Variants in SLC35D4 observed in about 807,000 individuals in gnomAD.
SLC35D4 encodes solute carrier family 35 member D4.
chr18:23,389,205 TCTCGAACTCCTGAC>T, the SLC35D4 span, among the ~76,000 whole-genome samples: 1 of 152,098 alleles, frequency 6.6e-6, no homozygotes, highest in Non-Finnish European at 1.5e-5. Context: ...GCCAGGTTGG[TCTCGAACTCCTGAC>T]CTCAAGTGAT....
At chr18:23,355,320 G>C in the SLC35D4 span, among the ~76,000 whole-genome samples, 1 of 152,144 alleles carries the variant, frequency 6.6e-6, no homozygotes, top group Non-Finnish European at 1.5e-5. Flanking sequence ...GCTGTGAACT[G>C]TGCTGCTCTG....
chr18:23,253,857 T>C, the SLC35D4 span: 7 of 1,614,202 alleles, frequency 4.3e-6, 1 homozygote, highest in South Asian at 6.6e-5. Context: ...AACCGGAAGC[T>C]GTGTGCTGGG....
chr18:23,407,231 A>G, the SLC35D4 span, among the ~76,000 whole-genome samples: 1 of 152,236 alleles, frequency 6.6e-6, no homozygotes, highest in Non-Finnish European at 1.5e-5. Context: ...CCGAGAAGAT[A>G]AGAGAATGAA....
the SLC35D4 span, among the ~76,000 whole-genome samples, chr18:23,385,549 G>T: frequency 6.6e-6 from 1 of 152,208 alleles, no homozygotes; most frequent in Non-Finnish European, 1.5e-5. Flanking sequence ...CCAGGCAGAG[G>T]GGCACACCAA....
the SLC35D4 span, among the ~76,000 whole-genome samples, chr18:23,247,870 C>G: frequency 6.6e-6 from 1 of 152,256 alleles, no homozygotes; most frequent in Non-Finnish European, 1.5e-5. Context: ...GCCACATATT[C>G]CCCACTTACG....
chr18:23,350,106 G>A, the SLC35D4 span, among the ~76,000 whole-genome samples: 2 of 152,154 alleles, frequency 1.3e-5, no homozygotes, highest in Non-Finnish European at 2.9e-5. Context: ...CATAACATAC[G>A]GTAGCAACTC....
At chr18:23,311,099 C>A in the SLC35D4 span, among the ~76,000 whole-genome samples, 2 of 151,096 alleles carry the variant, frequency 1.3e-5, no homozygotes, top group African/African-American at 4.9e-5. Context: ...CCTCTTTTCT[C>A]TTCCCTTTTT....
chr18:23,246,454 A>T, the SLC35D4 span, among the ~76,000 whole-genome samples: 4 of 151,688 alleles, frequency 2.6e-5, no homozygotes, highest in Non-Finnish European at 5.9e-5. Flanking sequence ...TGCAGTGGCA[A>T]GATCTTGGCT....
chr18:23,358,805 G>C, the SLC35D4 span, among the ~76,000 whole-genome samples: 1 of 152,148 alleles, frequency 6.6e-6, no homozygotes, highest in African/African-American at 2.4e-5. Flanking sequence ...GTTTCCAGCT[G>C]GCTCTGTGGT....
At chr18:23,253,157 G>A in the SLC35D4 span, 4 of 726,112 alleles carry the variant, frequency 5.5e-6, no homozygotes, top group Non-Finnish European at 9.9e-6. Flanking sequence ...GGTCCTTCCT[G>A]TGGTTCCAGT....
At chr18:23,437,722 A>G in the SLC35D4 span, 3 of 1,550,670 alleles carry the variant, frequency 1.9e-6, no homozygotes, top group African/African-American at 2.8e-5. Flanking sequence ...TGTCACGGGA[A>G]GATTCTCCGA....
chr18:23,342,063 A>G, the SLC35D4 span, among the ~76,000 whole-genome samples: 2 of 152,214 alleles, frequency 1.3e-5, no homozygotes, highest in African/African-American at 4.8e-5. Context: ...ATTACTTTAC[A>G]GCTTTCAGGG....
the SLC35D4 span, among the ~76,000 whole-genome samples, chr18:23,302,952 G>T: frequency 2.6e-5 from 4 of 152,248 alleles, no homozygotes; most frequent in Non-Finnish European, 2.9e-5. Flanking sequence ...TTTCAAAATG[G>T]TGATGACTAA....
At chr18:23,274,930 C>T in the SLC35D4 span, among the ~76,000 whole-genome samples, 5 of 151,812 alleles carry the variant, frequency 3.3e-5, no homozygotes, top group Non-Finnish European at 5.9e-5. Context: ...CGAGTGTGTG[C>T]TTGTGTGTGT....
chr18:23,394,983 C>CAA, the SLC35D4 span, among the ~76,000 whole-genome samples: 1,116 of 54,100 alleles, frequency 0.021, 35 homozygotes, highest in African/African-American at 0.075. Context: ...AACTCCATCT[C>CAA]AAAAAAAAAA....
At chr18:23,310,696 G>A in the SLC35D4 span, among the ~76,000 whole-genome samples, 2 of 152,006 alleles carry the variant, frequency 1.3e-5, no homozygotes, top group East Asian at 3.9e-4. Flanking sequence ...CAAGCTGGGA[G>A]CAAGGCAGCA....
the SLC35D4 span, among the ~76,000 whole-genome samples, chr18:23,383,857 T>C: frequency 9.2e-5 from 14 of 151,806 alleles, no homozygotes. Context: ...AGAGGAGAGA[T>C]AATTGACAGG....
At chr18:23,293,613 C>A in the SLC35D4 span, among the ~76,000 whole-genome samples, 1 of 152,158 alleles carries the variant, frequency 6.6e-6, no homozygotes, top group Non-Finnish European at 1.5e-5. Flanking sequence ...ACTGGGTGGG[C>A]CCTTCTCTAT....
chr18:23,282,866 G>T, the SLC35D4 span, among the ~76,000 whole-genome samples: 146 of 152,246 alleles, frequency 9.6e-4, no homozygotes, highest in African/African-American at 3.5e-3. Context: ...AGGGTCATGA[G>T]TAGGTGACAT....
Sources: allele counts gnomAD v4.1 joint callset (sites outside exome capture counted in the v4.1 genomes callset), GRCh38; gene constraint gnomAD v4.1.1; transcripts MANE v1.5; gene names NCBI Gene and HGNC (gene_info 2026-07-23, HGNC 2026-07-21).